Variants in PELI2 observed in about 807,000 individuals in gnomAD.
PELI2 encodes E3 ubiquitin-protein ligase pellino homolog 2.
In PELI2, 23 loss-of-function variants were observed where a neutral mutation model predicts 42.3. The observed-to-expected ratio is 0.54, with a 90% CI of 0.39 to 0.77. PELI2 has a LOEUF of 0.77. Among genes scored for constraint, PELI2 ranks in the 30% least tolerant of loss-of-function variants. PELI2 has a pLI of 0.00. For synonymous variants in PELI2, 245 were observed against 212.2 expected (o/e 1.15, Z -1.34); for missense variants, 463 against 553.2 (o/e 0.84, Z 1.64).
chr14:56,279,791 T>G lies in PELI2; in HGVS notation c.309+14T>G, dbSNP rs1889415352. On this transcript the variant is annotated intron_variant, in intron 3 of 5. Coordinates refer to ENST00000267460, the MANE Select transcript of PELI2 (RefSeq NM_021255.3). The stretch of plus-strand genomic sequence containing the variant: ...GATATGTTTCAGGTAATATTTTTCT[T>G]TTTTAATAGAAATTTTAGCACGTTT... 7.1e-7 allele frequency: 1 copy of G among 1,401,292 alleles called. No homozygotes were observed. Among genetic ancestry groups the G allele is most frequent in the African/African-American group, 1.4e-5 (1 of 69,540 alleles). The allele number at this position is 1,401,292 out of a possible 1,614,324, so 86.8% of individuals were successfully genotyped here.
intron 5 of PELI2, among the ~76,000 whole-genome samples, 158 bp from the exon 6 acceptor site, chr14:56,296,442 C>T (rs530714067): frequency 2.6e-5 from 4 of 152,136 alleles, no homozygotes; most frequent in South Asian, 2.1e-4. Flanking sequence ...AGATGAGGCT[C>T]GGGGAGGATA....
Position 56,290,354 on chromosome 14 carries a change from C to T in PELI2, c.594C>T (p.Gly198=). 3 of 1,613,726 alleles carry T rather than the reference C, an allele frequency of 1.9e-6. No individual in the cohort carries two copies. The highest frequency in any genetic ancestry group is 2.5e-6 in the Non-Finnish European group (3 of 1,179,704). Residue 198 remains glycine (G), a synonymous_variant, in exon 5 of 6, where the codon GGC becomes GGT. Coordinates refer to ENST00000267460, the MANE Select transcript of PELI2 (RefSeq NM_021255.3). ...TCCTGGTGATGCATCCACGAGGGGG[C>T]TTCACCGAGGAGTCCCAGCCCGGGG... is the stretch of plus-strand genomic sequence containing the variant. The part of the protein sequence containing the change: ...NGVLVMHPRG[G]FTEESQPGVW...
At chr14:56,144,021 T>C (rs149746139) in intron 1 of PELI2, among the ~76,000 whole-genome samples, 10 of 152,362 alleles carry the variant, frequency 6.6e-5, no homozygotes, top group Non-Finnish European at 1.5e-4. Flanking sequence ...TGCTTGTATA[T>C]ACATCTATAT....
intron 2 of PELI2, among the ~76,000 whole-genome samples, chr14:56,196,132 T>A (rs2139697091): frequency 6.6e-6 from 1 of 152,352 alleles, no homozygotes; most frequent in Non-Finnish European, 1.5e-5. Context: ...GGTTACATTG[T>A]ATAAATAGGA....
intron 2 of PELI2, among the ~76,000 whole-genome samples, chr14:56,209,371 G>A (rs1886633737): frequency 6.6e-6 from 1 of 152,114 alleles, no homozygotes; most frequent in South Asian, 2.1e-4. Flanking sequence ...GTACGTAAAG[G>A]AAGATTTTCT....
At chr14:56,235,765 T>C (rs1232435376) in intron 2 of PELI2, among the ~76,000 whole-genome samples, 2 of 152,260 alleles carry the variant, frequency 1.3e-5, no homozygotes, top group South Asian at 4.1e-4. Context: ...CATAAGCATG[T>C]ATCCTGCAGA....
chr14:56,253,987 C>T (rs1888440370), intron 2 of PELI2, among the ~76,000 whole-genome samples: 1 of 152,110 alleles, frequency 6.6e-6, no homozygotes, highest in African/African-American at 2.4e-5. Flanking sequence ...GTACTGGTAC[C>T]AAAACAGATA....
chr14:56,194,197 C>T (rs1438015076), intron 2 of PELI2, among the ~76,000 whole-genome samples: 1 of 152,124 alleles, frequency 6.6e-6, no homozygotes, highest in East Asian at 1.9e-4. Context: ...CAGTTTACTT[C>T]CCACTCGGGC....
At chr14:56,230,591 CT>C (rs1887524137) in intron 2 of PELI2, among the ~76,000 whole-genome samples, 1 of 152,184 alleles carries the variant, frequency 6.6e-6, no homozygotes, top group Admixed American at 6.5e-5. Context: ...ACAAGAGCTC[CT>C]GAAGGAAGCA....
At position 56,300,001 on chromosome 14, in the gene PELI2, A is replaced by G. The variant is rs899491680; in HGVS notation, c.*2835A>G. ...GTGCTGCCGGGTCATGCATGCTGCAACTCTCAACATTTCCCTTATTTGGTT... is the reference window on the plus strand; with the variant it reads ...GTGCTGCCGGGTCATGCATGCTGCAGCTCTCAACATTTCCCTTATTTGGTT... On this transcript the variant is annotated 3_prime_UTR_variant, in exon 6 of 6. Coordinates refer to ENST00000267460, the MANE Select transcript of PELI2 (RefSeq NM_021255.3). 1 of 152,536 alleles carries G rather than the reference A, an allele frequency of 6.6e-6. No individual in the cohort carries two copies. Among genetic ancestry groups the G allele is most frequent in the African/African-American group, 2.4e-5 (1 of 41,400 alleles). The allele number at this position is 152,536 out of a possible 1,614,324, so 9.4% of individuals were successfully genotyped here. A position where few individuals can be genotyped will look rare whatever the true frequency, so the allele number is the denominator to read the frequency against.
intron 2 of PELI2, among the ~76,000 whole-genome samples, chr14:56,179,388 G>A (rs149742171): frequency 6.6e-6 from 1 of 152,272 alleles, no homozygotes; most frequent in East Asian, 1.9e-4. Flanking sequence ...ATATTTATAT[G>A]CAATGTAAAC....
chr14:56,178,564 C>T, intron 2 of PELI2, 100 bp downstream of exon 2: 4 of 1,308,592 alleles, frequency 3.1e-6, no homozygotes, highest in East Asian at 4.6e-5. Context: ...TCATGTAGGA[C>T]AGTCTCTCAG....
At chr14:56,132,645 A>G (rs1264151378) in intron 1 of PELI2, among the ~76,000 whole-genome samples, 1 of 152,100 alleles carries the variant, frequency 6.6e-6, no homozygotes, top group Non-Finnish European at 1.5e-5. Context: ...TTCAGATCAA[A>G]TCCAGACAAT....
At chr14:56,157,550 C>T (rs906385222) in intron 1 of PELI2, among the ~76,000 whole-genome samples, 1 of 152,092 alleles carries the variant, frequency 6.6e-6, no homozygotes, top group Non-Finnish European at 1.5e-5. Flanking sequence ...AAAAAAATCT[C>T]TCAGGGGTAA....
chr14:56,223,167 A>G (rs751148723), intron 2 of PELI2, among the ~76,000 whole-genome samples: 16 of 152,124 alleles, frequency 1.1e-4, no homozygotes, highest in Non-Finnish European at 2.1e-4. Flanking sequence ...TGGAAAACCC[A>G]AGCAAATTGC....
chr14:56,266,529 A>G (rs916140622), intron 2 of PELI2, among the ~76,000 whole-genome samples: 3 of 152,088 alleles, frequency 2.0e-5, no homozygotes, highest in Non-Finnish European at 2.9e-5. Context: ...TAAAAGCACT[A>G]TGAGATTACT....
chr14:56,119,818 T>A (rs1224149892), intron 1 of PELI2: 3 of 985,136 alleles, frequency 3.0e-6, no homozygotes, highest in East Asian at 2.3e-4. Flanking sequence ...CTTTTGTCCT[T>A]CTGCGTTGAA....
chr14:56,205,938 AT>A (rs1341754207), intron 2 of PELI2, among the ~76,000 whole-genome samples: 3 of 151,740 alleles, frequency 2.0e-5, no homozygotes, highest in South Asian at 4.2e-4. Context: ...GGAGAGTTGG[AT>A]TTTTTTTTCC....
At chr14:56,155,680 C>T (rs1389044593) in intron 1 of PELI2, among the ~76,000 whole-genome samples, 4 of 151,506 alleles carry the variant, frequency 2.6e-5, no homozygotes, top group Non-Finnish European at 2.9e-5. Flanking sequence ...CTCCCGGGTT[C>T]GCCCCATTCT....
Sources: gnomAD v4.1 joint callset for allele counts (sites outside exome capture counted in the v4.1 genomes callset) on GRCh38, gnomAD v4.1.1 for gene constraint, MANE v1.5 for transcripts, NCBI Gene and HGNC (gene_info 2026-07-23, HGNC 2026-07-21) for gene names.